CGREF1: variants seen among roughly 807,000 people sequenced by gnomAD.
The protein encoded by CGREF1 is cell growth regulator with EF-hand domain 1.
A neutral mutation model predicts 17.4 loss-of-function variants in CGREF1; 16 were observed. The ratio of observed to expected loss-of-function variants is 0.92; its 90% CI spans 0.62 to 1.40. The LOEUF is 1.40. CGREF1 is among the 40% of genes most tolerant of loss of function. CGREF1 has a pLI of 0.00. For synonymous variants in CGREF1, 142 were observed against 154.6 expected (o/e 0.92, Z 0.61); for missense variants, 296 against 376.4 (o/e 0.79, Z 1.77).
chr2:27,106,365 A>G (rs954952474), intron 1 of CGREF1, among the ~76,000 whole-genome samples: 4 of 152,218 alleles, frequency 2.6e-5, no homozygotes, highest in African/African-American at 9.6e-5. Context: ...GCTGCCTGTC[A>G]GTGTGCTTGT....
In CGREF1 at chr2:27,102,128, G is replaced by C; in HGVS notation, c.311C>G (p.Pro104Arg). The change falls in exon 5 of 6, where the codon CCT (proline) becomes CGT (arginine). Residue 104 changes from proline to arginine, a missense_variant. By Grantham distance (103) the Pro-to-Arg change is moderately radical (BLOSUM62 -2). Transcript: ENST00000402394. ...GGTGGTAGGAGAGTTGGCAGCTCCA[G>C]GGGCCAGAGCAGCTGTCAACATGGA... Reference protein sequence around the residue: ...LLSMLTAALAPGAANSPTTNP... With the variant: ...LLSMLTAALARGAANSPTTNP... 3 of 1,609,700 alleles carry C rather than the reference G, an allele frequency of 1.9e-6. No homozygotes were observed. The highest frequency in any genetic ancestry group is 3.3e-5 in the Admixed American group (2 of 59,878).
chr2:27,117,311 G>T (rs1671623954), intron 1 of CGREF1, among the ~76,000 whole-genome samples: 1 of 152,192 alleles, frequency 6.6e-6, no homozygotes, highest in Non-Finnish European at 1.5e-5. Flanking sequence ...GTGTAATGAG[G>T]TTAGTGCGAT....
chr2:27,104,200 G>A lies in CGREF1; in HGVS notation c.80+87C>T, dbSNP rs371911433. ...CGGGGAACCTACACCCCAGTCTCCT[G>A]CCTCCCAGAGGGCCCACCACACCCT... On this transcript the variant is annotated intron_variant, in intron 2 of 5. Coordinates refer to ENST00000402394, the MANE Select transcript of CGREF1 (RefSeq NM_006569.6). 118 of 1,358,358 alleles carry A rather than the reference G, an allele frequency of 8.7e-5. No homozygotes were observed. In the East Asian group the frequency reaches 2.1e-3, roughly 24 times the overall value. The allele number at this position is 1,358,358 out of a possible 1,614,324, so 84.1% of individuals were successfully genotyped here.
downstream of CGREF1, chr2:27,099,777 A>G (rs189674797): frequency 4.6e-4 from 744 of 1,610,834 alleles, no homozygotes; most frequent in African/African-American, 8.7e-3. Context: ...CTCACACACC[A>G]TGGAGACTAC....
intron 1 of CGREF1, among the ~76,000 whole-genome samples, chr2:27,114,143 C>T (rs996914548): frequency 4.0e-5 from 6 of 151,856 alleles, no homozygotes; most frequent in Non-Finnish European, 8.8e-5. Flanking sequence ...TACAGGTGCA[C>T]GCCACCACAC....
At position 27,101,689 on chromosome 2, in the gene CGREF1, G is replaced by GT. The variant is rs1452677038; in HGVS notation, c.541dup (p.Thr181AsnfsTer35). The GT allele has an allele frequency of 6.2e-7, 1 of 1,614,230 alleles. No individual in the cohort carries two copies. Among genetic ancestry groups the GT allele is most frequent in the South Asian group, 1.1e-5 (1 of 91,088 alleles). On this transcript the variant is annotated frameshift_variant, in exon 6 of 6. Coordinates refer to ENST00000402394, the MANE Select transcript of CGREF1 (RefSeq NM_006569.6). LOFTEE classifies it low-confidence loss of function (END_TRUNC). ...TTCTCTGGGACCAGGGGCTTCCTGT[G>GT]TTTCTTGTCTTAATGGGCTTTTAGC...
downstream of CGREF1, chr2:27,100,561 T>C (rs1264416321): frequency 7.8e-7 from 1 of 1,288,878 alleles, no homozygotes; most frequent in East Asian, 5.5e-5. Flanking sequence ...GTAAAGAGCA[T>C]ATAATGTAAA....
In CGREF1 at chr2:27,112,029, G is replaced by A. The variant is rs147626568; in HGVS notation, c.-12+6817C>T. Reference sequence around the variant, plus strand: ...ACTGTCACCTCTCACCAGCACTTTGGGAGGCTGAGGCAGAAGGATTGCTTG... The same window carrying A: ...ACTGTCACCTCTCACCAGCACTTTGAGAGGCTGAGGCAGAAGGATTGCTTG... On this transcript the variant is annotated intron_variant, in intron 1 of 5. Transcript: ENST00000402394. Among the ~76,000 whole-genome samples, 1,133 of 152,346 alleles carry A rather than the reference G, an allele frequency of 7.4e-3. 14 individuals carry two copies. Among genetic ancestry groups the A allele is most frequent in the African/African-American group, 0.025 (1,032 of 41,578 alleles).
intron 1 of CGREF1, among the ~76,000 whole-genome samples, chr2:27,107,685 C>T (rs931076384): frequency 6.7e-6 from 1 of 149,780 alleles, no homozygotes; most frequent in African/African-American, 2.4e-5. Flanking sequence ...CTGTAGTCCC[C>T]GCACTTTAGG....
At position 27,104,699 on chromosome 2, in the gene CGREF1, C is replaced by A. The variant is rs769370125; in HGVS notation, c.-11-322G>T. 14 of 1,549,396 alleles carry A rather than the reference C, an allele frequency of 9.0e-6. No individual in the cohort carries two copies. In the South Asian group the frequency reaches 1.7e-4, roughly 18 times the overall value. ...TGCCAAGGTGCCCAGAGAAGTACAG[C>A]GCAAGCATATCTGACCTCCTTCAGC... On this transcript the variant is annotated intron_variant, in intron 1 of 5. Transcript: ENST00000402394.
At chr2:27,108,150 G>A (rs1330177536) in intron 1 of CGREF1, among the ~76,000 whole-genome samples, 2 of 152,104 alleles carry the variant, frequency 1.3e-5, no homozygotes, top group Non-Finnish European at 2.9e-5. Context: ...AGCTACTCGG[G>A]AGGCTGAGGC....
chr2:27,101,161 G>T lies in CGREF1; in HGVS notation c.*113C>A. 1 of 1,483,682 alleles carries T rather than the reference G, an allele frequency of 6.7e-7. No individual in the cohort carries two copies. The highest frequency in any genetic ancestry group is 8.9e-7 in the Non-Finnish European group (1 of 1,124,142). The allele number at this position is 1,483,682 out of a possible 1,614,324, so 91.9% of individuals were successfully genotyped here. A position where few individuals can be genotyped will look rare whatever the true frequency, so the allele number is the denominator to read the frequency against. On this transcript the variant is annotated 3_prime_UTR_variant, in exon 6 of 6. Coordinates refer to ENST00000402394, the MANE Select transcript of CGREF1 (RefSeq NM_006569.6). ...GCACAGAAAGACCTGATACCTACTGGGACCAGGCAGGGGGCACAGAGATGG... is the reference window on the plus strand; with the variant it reads ...GCACAGAAAGACCTGATACCTACTGTGACCAGGCAGGGGGCACAGAGATGG...
chr2:27,102,801 A>G (rs1274868475), intron 2 of CGREF1: 1 of 570,412 alleles, frequency 1.8e-6, no homozygotes, highest in Non-Finnish European at 2.2e-6. Context: ...GCAGCTGGCT[A>G]CCTTAGACTT....
Position 27,101,881 on chromosome 2 carries a change from A to G in CGREF1, c.350T>C (p.Leu117Ser), listed in dbSNP as rs1424471135. Residue 117 changes from leucine to serine, a missense_variant, in exon 6 of 6, where the codon TTG (leucine) becomes TCG (serine). Leu to Ser is a moderately radical substitution (Grantham distance 145, BLOSUM62 -2). Transcript: ENST00000402394. ...ANSPTTNPVI[L>S]IVDKVLETQD... ...GGTCTCGAGCACTTTGTCCACTATC[A>G]AGATCACCTGTGGAAGCAGAGTCAC... 6.2e-7 allele frequency: 1 copy of G among 1,611,746 alleles called. No homozygotes were observed. The highest frequency in any genetic ancestry group is 1.7e-5 in the Admixed American group (1 of 59,966).
chr2:27,117,025 G>A (rs1572907159), intron 1 of CGREF1, among the ~76,000 whole-genome samples: 1 of 151,718 alleles, frequency 6.6e-6, no homozygotes, highest in East Asian at 1.9e-4. Flanking sequence ...CGATTCTCCT[G>A]CCTCAGCCTC....
At chr2:27,103,985 GAACAAACA>G (rs199858794) in intron 2 of CGREF1, among the ~76,000 whole-genome samples, 1 of 151,968 alleles carries the variant, frequency 6.6e-6, no homozygotes, top group Non-Finnish European at 1.5e-5. Context: ...TCTGTCTCAA[GAACAAACA>G]AACAAACAAA....
At position 27,101,049 on chromosome 2, in the gene CGREF1, C is replaced by T; in HGVS notation, c.*225G>A. 1 of 1,329,926 alleles carries T rather than the reference C, an allele frequency of 7.5e-7. No individual in the cohort carries two copies. The highest frequency in any genetic ancestry group is 9.5e-7 in the Non-Finnish European group (1 of 1,048,882). 82.4% of individuals were successfully genotyped at this position (1,329,926 alleles called of 1,614,324 possible). A position where few individuals can be genotyped will look rare whatever the true frequency, so the allele number is the denominator to read the frequency against. On this transcript the variant is annotated 3_prime_UTR_variant, in exon 6 of 6. Transcript: ENST00000402394. ...GTTCCTCTGAGAGGGTCTGGGCAGGCTGGACGGGTAGAGAGGTGGCCGGGG... is the reference window on the plus strand; with the variant it reads ...GTTCCTCTGAGAGGGTCTGGGCAGGTTGGACGGGTAGAGAGGTGGCCGGGG...
rs540379344 is a variant in CGREF1 at position 27,115,972 on chromosome 2, G to A, written c.-12+2874C>T. Among the ~76,000 whole-genome samples the A allele has an allele frequency of 9.2e-5, 14 of 152,090 alleles. No homozygotes were observed. In the South Asian group the frequency reaches 1.2e-3, roughly 14 times the overall value. On this transcript the variant is annotated intron_variant, in intron 1 of 5. Coordinates refer to ENST00000402394, the MANE Select transcript of CGREF1 (RefSeq NM_006569.6). ...CTCACGCCTGTAATCCCAGTACTTC[G>A]CAGGCCAAGGCAAAAGGATTGCTTG...
chr2:27,101,215 C>A lies in CGREF1; in HGVS notation c.*59G>T. 6.6e-7 allele frequency: 1 copy of A among 1,513,896 alleles called. No individual in the cohort carries two copies. Among genetic ancestry groups the A allele is most frequent in the South Asian group, 1.3e-5 (1 of 74,210 alleles). The allele number at this position is 1,513,896 out of a possible 1,614,324, so 93.8% of individuals were successfully genotyped here. A position where few individuals can be genotyped will look rare whatever the true frequency, so the allele number is the denominator to read the frequency against. On this transcript the variant is annotated 3_prime_UTR_variant, in exon 6 of 6. Coordinates refer to ENST00000402394, the MANE Select transcript of CGREF1 (RefSeq NM_006569.6). ...TTGTCCCAGCGTACATTTCCCCTGC[C>A]CACTTCAGGGCTTATGTTCTGGCAC...
Sources: allele counts gnomAD v4.1 joint callset (sites outside exome capture counted in the v4.1 genomes callset), GRCh38; gene constraint gnomAD v4.1.1; transcripts MANE v1.5; gene names NCBI Gene and HGNC (gene_info 2026-07-23, HGNC 2026-07-21).